PCDHGB5: variants seen among roughly 807,000 people sequenced by gnomAD.
PCDHGB5 encodes protocadherin gamma-B5.
In PCDHGB5, 48 loss-of-function variants were observed where a neutral mutation model predicts 62.9. That is an observed-to-expected ratio of 0.76 (90% confidence interval 0.61 to 0.97). The LOEUF is 0.97. Among genes scored for constraint, PCDHGB5 ranks in the 50% least tolerant of loss-of-function variants. The pLI is 0.00. For missense variants in PCDHGB5, 1,118 were observed against 1,198.6 expected, an observed-to-expected ratio of 0.93 and a Z score of 0.99; for synonymous variants, 474 against 511.2, an observed-to-expected ratio of 0.93 and a Z score of 0.98.
intron 1 of PCDHGB5, among the ~76,000 whole-genome samples, chr5:141,449,588 C>CA (rs768743917): frequency 0.036 from 2,064 of 56,756 alleles, 20 homozygotes; most frequent in Middle Eastern, 0.06. Context: ...GACTCTGTCT[C>CA]AAAAAAAAAA....
intron 1 of PCDHGB5, chr5:141,413,820 C>G (rs967941133): frequency 5.6e-6 from 9 of 1,613,086 alleles, no homozygotes; most frequent in South Asian, 1.1e-5. Flanking sequence ...ACCACCTGGT[C>G]CTCACCGCCT....
chr5:141,427,915 T>C lies in PCDHGB5; in HGVS notation c.2397+27391T>C, dbSNP rs779333176. ...GGCTCGCCCGCGCTCAGCGCCAACATGAGCCGGCGCATGTTGGTGGGCGAC... is the reference window on the plus strand; with the variant it reads ...GGCTCGCCCGCGCTCAGCGCCAACACGAGCCGGCGCATGTTGGTGGGCGAC... On this transcript the variant is annotated intron_variant, in intron 1 of 3. Transcript: ENST00000617380. The C allele has an allele frequency of 7.0e-6, 11 of 1,578,094 alleles. No individual in the cohort carries two copies. In the Admixed American group the frequency reaches 8.4e-5, roughly 12 times the overall value.
intron 1 of PCDHGB5, among the ~76,000 whole-genome samples, chr5:141,464,625 T>C (rs1477206347): frequency 6.6e-6 from 1 of 152,190 alleles, no homozygotes; most frequent in East Asian, 1.9e-4. Context: ...TGTCAAGCTT[T>C]TTAATTGTTG....
At chr5:141,403,631 C>T (rs751580878) in intron 1 of PCDHGB5, 8 of 1,613,912 alleles carry the variant, frequency 5.0e-6, no homozygotes, top group South Asian at 2.2e-5. Context: ...CAGCACAGTG[C>T]GCATCCATGT....
In PCDHGB5 at chr5:141,432,536, G is replaced by A. The variant is rs767744134; in HGVS notation, c.2397+32012G>A. 6.2e-7 allele frequency: 1 copy of A among 1,614,050 alleles called. No individual in the cohort carries two copies. Among genetic ancestry groups the A allele is most frequent in the Non-Finnish European group, 8.5e-7 (1 of 1,180,006 alleles). On this transcript the variant is annotated intron_variant, in intron 1 of 3. Coordinates refer to ENST00000617380, the MANE Select transcript of PCDHGB5 (RefSeq NM_018925.3). This position sits in a 1 kb window ranked among gnomAD's most constrained non-coding sequence, Gnocchi z 6.0. ...CGGCTACCTGGTGACCAAGGTGGTG[G>A]CGGTGGACAGAGACTCCGGCCAGAA...
rs747917835 is a variant in PCDHGB5 at position 141,487,659 on chromosome 5, AT to A, written c.2398-7147del. 3.7e-6 allele frequency: 6 copies of A among 1,613,466 alleles called. No homozygotes were observed. Among genetic ancestry groups the A allele is most frequent in the Non-Finnish European group, 5.1e-6 (6 of 1,179,716 alleles). On this transcript the variant is annotated intron_variant, in intron 1 of 3. Coordinates refer to ENST00000617380, the MANE Select transcript of PCDHGB5 (RefSeq NM_018925.3). This position sits in a 1 kb window ranked among gnomAD's most constrained non-coding sequence, Gnocchi z 5.0. ...CAACAAATGCTTGAGGGTTATTCTGATCCAGGCATATGGCTAGGCCATGTCC... is the reference window on the plus strand; with the variant it reads ...CAACAAATGCTTGAGGGTTATTCTGACCAGGCATATGGCTAGGCCATGTCC...
chr5:141,421,246 C>T (rs1047768415), intron 1 of PCDHGB5: 16 of 1,603,622 alleles, frequency 1.0e-5, no homozygotes, highest in Admixed American at 1.7e-5. Flanking sequence ...TCGGCTACAG[C>T]GCGGGGACCG....
intron 1 of PCDHGB5, chr5:141,492,013 T>G: frequency 1.6e-6 from 1 of 610,970 alleles, no homozygotes; most frequent in Non-Finnish European, 2.7e-6. Context: ...TCCGCGGGTG[T>G]CGGGGGTCCC....
At chr5:141,482,809 T>C (rs1295469639) in intron 1 of PCDHGB5, among the ~76,000 whole-genome samples, 1 of 152,170 alleles carries the variant, frequency 6.6e-6, no homozygotes, top group Non-Finnish European at 1.5e-5. Flanking sequence ...CGGTGGCTCA[T>C]GCCTGTAATC....
intron 1 of PCDHGB5, chr5:141,422,116 T>G (rs753281558): frequency 1.2e-6 from 2 of 1,604,612 alleles, no homozygotes; most frequent in African/African-American, 1.3e-5. Flanking sequence ...CCAATTGGAT[T>G]CACAAACTGG....
intron 1 of PCDHGB5, among the ~76,000 whole-genome samples, chr5:141,463,099 A>G (rs1445730117): frequency 1.4e-4 from 21 of 152,204 alleles, no homozygotes; most frequent in Admixed American, 1.4e-3. Context: ...CTATGTGACC[A>G]TCAAGAATTC....
intron 1 of PCDHGB5, among the ~76,000 whole-genome samples, chr5:141,467,628 CA>C (rs1301043003): frequency 6.6e-6 from 1 of 152,106 alleles, no homozygotes; most frequent in Non-Finnish European, 1.5e-5. Context: ...TTTGAGATAG[CA>C]TCTTTATCAT....
intron 1 of PCDHGB5, chr5:141,433,041 C>G (rs1171788078): frequency 6.2e-7 from 1 of 1,614,036 alleles, no homozygotes; most frequent in Non-Finnish European, 8.5e-7. Flanking sequence ...TCCCTCACCA[C>G]GGACTCGCGG....
intron 1 of PCDHGB5, 189 bp downstream of exon 1, chr5:141,400,713 T>C: frequency 1.5e-6 from 1 of 686,914 alleles, no homozygotes; most frequent in South Asian, 2.0e-5. Context: ...GAAGTAGCCT[T>C]ATAGATTTAC....
At position 141,432,374 on chromosome 5, in the gene PCDHGB5, C is replaced by G; in HGVS notation, c.2397+31850C>G. The G allele has an allele frequency of 6.2e-7, 1 of 1,614,240 alleles. No individual in the cohort carries two copies. The highest frequency in any genetic ancestry group is 1.1e-5 in the South Asian group (1 of 91,082). ...GAAAGTGATGGCGCGGGACAACGGG[C>G]ACCCGCCCCTCAGCAGCAACGTGTC... On this transcript the variant is annotated intron_variant, in intron 1 of 3. Transcript: ENST00000617380. The surrounding 1 kb of genome is among the most constrained non-coding windows in gnomAD (Gnocchi z 6.0).
At chr5:141,423,357 C>A in intron 1 of PCDHGB5, 1 of 1,614,214 alleles carries the variant, frequency 6.2e-7, no homozygotes, top group Non-Finnish European at 8.5e-7. Flanking sequence ...TCTTTGTCAT[C>A]GTGCTGCTGG....
intron 1 of PCDHGB5, chr5:141,411,432 AC>A (rs1483186233): frequency 6.6e-6 from 1 of 151,012 alleles, no homozygotes; most frequent in African/African-American, 2.4e-5. Context: ...ACAAAAAAAA[AC>A]ATTAGCAGAG....
intron 1 of PCDHGB5, chr5:141,430,865 C>G: frequency 6.3e-7 from 1 of 1,595,350 alleles, no homozygotes; most frequent in Non-Finnish European, 8.5e-7. Flanking sequence ...CTATTCAGTT[C>G]CGGAAGAGCT....
chr5:141,400,682 G>C (rs778099324), intron 1 of PCDHGB5, 158 bp downstream of exon 1: 10 of 835,140 alleles, frequency 1.2e-5, no homozygotes, highest in Non-Finnish European at 1.7e-5. Context: ...AGTAAATTGT[G>C]AGTTTTTATG....
Sources: gnomAD v4.1 joint callset for allele counts (sites outside exome capture counted in the v4.1 genomes callset) on GRCh38, gnomAD v4.1.1 for gene constraint, Gnocchi (gnomAD v3.1) non-coding constraint, MANE v1.5 for transcripts, NCBI Gene and HGNC (gene_info 2026-07-23, HGNC 2026-07-21) for gene names.